Variants in GPATCH2 observed in about 807,000 individuals in gnomAD.
GPATCH2 encodes the protein G patch domain-containing protein 2.
GPATCH2 carries 51 observed loss-of-function variants against 58.0 expected under a neutral mutation model. That is an observed-to-expected ratio of 0.88 (90% CI 0.70 to 1.11). The LOEUF is 1.11. Among genes scored for constraint, GPATCH2 ranks in the 50% most tolerant of loss-of-function variants. GPATCH2 has a pLI of 0.00. For missense variants in GPATCH2, 625 were observed against 652.2 expected (o/e 0.96, Z 0.45); for synonymous variants, 222 against 218.5 (o/e 1.02, Z -0.14).
rs940196961 is a variant in GPATCH2, at chr1:217,550,967, T to G, written c.1099-36078A>C. Among the ~76,000 whole-genome samples the G allele has an allele frequency of 2.0e-5, 3 of 152,020 alleles. No individual in the cohort carries two copies. The South Asian group carries it at 6.2e-4, about 32-fold the overall frequency. On this transcript the variant is annotated intron_variant, in intron 5 of 9. Transcript: ENST00000366935. The stretch of plus-strand genomic sequence containing the variant: ...ACATAGCATATAATCAGAGACTTTA[T>G]GAAGAATTTTTGCTTACATGGACAG...
chr1:217,436,408 C>G (rs1658833824), intron 9 of GPATCH2, among the ~76,000 whole-genome samples: 1 of 152,080 alleles, frequency 6.6e-6, no homozygotes. Flanking sequence ...GTAACTTAAC[C>G]TTGACCACAC....
intron 8 of GPATCH2, among the ~76,000 whole-genome samples, chr1:217,472,806 C>T (rs574621184): frequency 6.6e-6 from 1 of 152,142 alleles, no homozygotes; most frequent in African/African-American, 2.4e-5. Context: ...AATTGCAGAA[C>T]CGTTCTCCAC....
At chr1:217,484,653 A>T (rs563361239) in intron 8 of GPATCH2, among the ~76,000 whole-genome samples, 18 of 149,648 alleles carry the variant, frequency 1.2e-4, no homozygotes, top group Non-Finnish European at 2.5e-4. Flanking sequence ...ATATATACAC[A>T]CATATACTTA....
intron 8 of GPATCH2, among the ~76,000 whole-genome samples, chr1:217,456,373 C>A (rs1659943513): frequency 6.6e-6 from 1 of 152,150 alleles, no homozygotes; most frequent in Admixed American, 6.5e-5. Context: ...AGTGGACCAA[C>A]AGACAAGCCA....
rs1279202608 is a variant in GPATCH2 at position 217,430,544 on chromosome 1, T to C, written c.*601A>G. On this transcript the variant is annotated 3_prime_UTR_variant, in exon 10 of 10. Coordinates refer to ENST00000366935, the MANE Select transcript of GPATCH2 (RefSeq NM_018040.5). Reference sequence around the variant, plus strand: ...TTTGTCAAAACATCCAAGGGAAACATTAATTGTTGTTTGTCAACTGTGAAC... The same window carrying C: ...TTTGTCAAAACATCCAAGGGAAACACTAATTGTTGTTTGTCAACTGTGAAC... 1 of 152,306 alleles carries C rather than the reference T, an allele frequency of 6.6e-6. No individual in the cohort carries two copies. Among genetic ancestry groups the C allele is most frequent in the East Asian group, 1.9e-4 (1 of 5,196 alleles). The allele number at this position is 152,306 out of a possible 1,614,324, so 9.4% of individuals were successfully genotyped here. A position where few individuals can be genotyped will look rare whatever the true frequency, so the allele number is the denominator to read the frequency against.
chr1:217,456,807 A>G (rs138190230), intron 8 of GPATCH2, among the ~76,000 whole-genome samples: 1,694 of 152,350 alleles, frequency 0.011, 12 homozygotes, highest in Middle Eastern at 0.048. Flanking sequence ...AAAATATGCC[A>G]CATATATAGG....
At chr1:217,436,555 T>A (rs187642606) in intron 9 of GPATCH2, among the ~76,000 whole-genome samples, 56 of 152,310 alleles carry the variant, frequency 3.7e-4, no homozygotes, top group African/African-American at 1.1e-3. Flanking sequence ...ATTCATTGAG[T>A]AATATATGAA....
chr1:217,474,515 A>G (rs1258958095), intron 8 of GPATCH2, among the ~76,000 whole-genome samples: 1 of 152,238 alleles, frequency 6.6e-6, no homozygotes, highest in Non-Finnish European at 1.5e-5. Flanking sequence ...TGGCATTGGT[A>G]AATATGTCCC....
chr1:217,466,492 C>T (rs6659038), intron 8 of GPATCH2, among the ~76,000 whole-genome samples: 20,413 of 151,774 alleles, frequency 0.13, 2,685 homozygotes, highest in African/African-American at 0.35. Context: ...CCCTAAGTGC[C>T]GGGATTACAG....
At chr1:217,571,983 AGG>A in intron 5 of GPATCH2, among the ~76,000 whole-genome samples, 1 of 136,750 alleles carries the variant, frequency 7.3e-6, no homozygotes, top group East Asian at 2.5e-4. Flanking sequence ...GAAAGAAAGA[AGG>A]AAGGAAGGAA....
intron 9 of GPATCH2, among the ~76,000 whole-genome samples, chr1:217,442,633 T>TA (rs35074219): frequency 0.24 from 36,133 of 152,090 alleles, 5,673 homozygotes; most frequent in African/African-American, 0.45. Context: ...CAAATCTGAG[T>TA]AAAGAGAGTA....
chr1:217,467,671 T>A (rs1342494301), intron 8 of GPATCH2, among the ~76,000 whole-genome samples: 1 of 151,706 alleles, frequency 6.6e-6, no homozygotes, highest in Admixed American at 6.6e-5. Context: ...ACTGGAACTA[T>A]CAGTATGAAT....
chr1:217,593,332 A>G (rs887308684), intron 5 of GPATCH2, among the ~76,000 whole-genome samples: 6 of 152,014 alleles, frequency 3.9e-5, no homozygotes, highest in Non-Finnish European at 7.4e-5. Flanking sequence ...GTTAAAAGGT[A>G]TAACTGACAA....
Position 217,481,395 on chromosome 1 carries a change from A to T in GPATCH2, c.1277+10285T>A, listed in dbSNP as rs146503491. 6.7e-3 allele frequency among the ~76,000 whole-genome samples: 1,023 copies of T among 152,348 alleles called. 13 individuals carry two copies. Among genetic ancestry groups the T allele is most frequent in the African/African-American group, 0.024 (981 of 41,586 alleles). On this transcript the variant is annotated intron_variant, in intron 8 of 9. Transcript: ENST00000366935. ...TAAATATGTAATACTAGAAATACAGAGGTCAACAGAAGACAGCTAAAACAG... is the reference window on the plus strand; with the variant it reads ...TAAATATGTAATACTAGAAATACAGTGGTCAACAGAAGACAGCTAAAACAG...
At chr1:217,591,898 T>A (rs965456043) in intron 5 of GPATCH2, among the ~76,000 whole-genome samples, 1 of 152,082 alleles carries the variant, frequency 6.6e-6, no homozygotes, top group Non-Finnish European at 1.5e-5. Flanking sequence ...AGATTATTTT[T>A]AAAGTTTTTA....
intron 3 of GPATCH2, among the ~76,000 whole-genome samples, chr1:217,612,532 A>T (rs971908819): frequency 3.9e-5 from 6 of 152,122 alleles, no homozygotes; most frequent in African/African-American, 7.2e-5. Context: ...GGAATTAATT[A>T]AAAAAATTTT....
chr1:217,536,703 G>A (rs1428233072), intron 5 of GPATCH2, among the ~76,000 whole-genome samples: 4 of 152,214 alleles, frequency 2.6e-5, no homozygotes, highest in African/African-American at 2.4e-5. Context: ...GGCCAGGCGC[G>A]GTGGCTCATG....
chr1:217,521,678 G>T (rs1017192121), intron 5 of GPATCH2, among the ~76,000 whole-genome samples: 1 of 152,172 alleles, frequency 6.6e-6, no homozygotes, highest in Admixed American at 6.5e-5. Context: ...AACACTCCGC[G>T]ATGAGAATAT....
chr1:217,587,213 C>T (rs1667380536), intron 5 of GPATCH2, among the ~76,000 whole-genome samples: 1 of 152,074 alleles, frequency 6.6e-6, no homozygotes, highest in Non-Finnish European at 1.5e-5. Flanking sequence ...AAACAAAAAG[C>T]AGGGTGGAGG....
Sources: allele counts gnomAD v4.1 joint callset (sites outside exome capture counted in the v4.1 genomes callset), GRCh38; gene constraint gnomAD v4.1.1; transcripts MANE v1.5; gene names NCBI Gene and HGNC (gene_info 2026-07-23, HGNC 2026-07-21).